Variants in CFAP95 observed in about 807,000 individuals in gnomAD.
CFAP95 encodes the protein cilia and flagella associated protein 95.
the CFAP95 span, chr9:69,844,720 C>A: frequency 1.2e-6 from 1 of 816,070 alleles, no homozygotes; most frequent in Non-Finnish European, 1.9e-6. Context: ...CAGCACCATC[C>A]CTCGTTAACT....
chr9:69,866,124 T>C, the CFAP95 span, among the ~76,000 whole-genome samples: 3 of 152,194 alleles, frequency 2.0e-5, no homozygotes, highest in Admixed American at 2.0e-4. Context: ...CATACTTAAG[T>C]TTCCTGAACA....
chr9:69,887,496 T>C, the CFAP95 span, among the ~76,000 whole-genome samples: 161 of 152,278 alleles, frequency 1.1e-3, no homozygotes, highest in African/African-American at 3.6e-3. Context: ...ATCTGAGAAG[T>C]AATTAGAATA....
chr9:69,830,607 C>A, the CFAP95 span, among the ~76,000 whole-genome samples: 70 of 152,256 alleles, frequency 4.6e-4, no homozygotes, highest in African/African-American at 1.7e-3. Flanking sequence ...TGAAACATAT[C>A]TTTGCAGTGC....
chr9:69,830,451 T>G, the CFAP95 span, among the ~76,000 whole-genome samples: 5 of 152,154 alleles, frequency 3.3e-5, no homozygotes, highest in African/African-American at 1.2e-4. Context: ...CATAACCTAT[T>G]AATATATTGG....
chr9:69,863,317 G>C, the CFAP95 span, among the ~76,000 whole-genome samples: 1 of 151,672 alleles, frequency 6.6e-6, no homozygotes, highest in East Asian at 2.0e-4. Context: ...CTCTAACATG[G>C]ATAACTTATG....
chr9:69,861,817 G>C, the CFAP95 span, among the ~76,000 whole-genome samples: 3 of 144,860 alleles, frequency 2.1e-5, no homozygotes, highest in Admixed American at 7.0e-5. Context: ...AGCAAGATTC[G>C]ATGTTCATCT....
At chr9:69,856,626 C>T in the CFAP95 span, 3 of 1,612,436 alleles carry the variant, frequency 1.9e-6, no homozygotes, top group South Asian at 3.3e-5. Flanking sequence ...AAATGAAGAG[C>T]AAGGCTTTAT....
At chr9:69,864,044 C>A in the CFAP95 span, among the ~76,000 whole-genome samples, 1 of 152,018 alleles carries the variant, frequency 6.6e-6, no homozygotes, top group Non-Finnish European at 1.5e-5. Flanking sequence ...TGAGGGCTCC[C>A]CAGGAGTACT....
At chr9:69,873,100 G>A in the CFAP95 span, among the ~76,000 whole-genome samples, 3 of 152,102 alleles carry the variant, frequency 2.0e-5, no homozygotes, top group African/African-American at 7.2e-5. Flanking sequence ...AACAAGGGTC[G>A]TTTTGGAGGA....
chr9:69,890,452 A>G, the CFAP95 span, among the ~76,000 whole-genome samples: 2 of 152,222 alleles, frequency 1.3e-5, no homozygotes, highest in Admixed American at 6.5e-5. Context: ...CCCACATTTA[A>G]TGAATGCTTG....
chr9:69,857,456 A>G, the CFAP95 span, among the ~76,000 whole-genome samples: 3 of 152,238 alleles, frequency 2.0e-5, no homozygotes, highest in African/African-American at 7.2e-5. Flanking sequence ...TACAAAGTTC[A>G]TAAAAGTTGC....
At chr9:69,876,862 T>C in the CFAP95 span, among the ~76,000 whole-genome samples, 1 of 152,178 alleles carries the variant, frequency 6.6e-6, no homozygotes, top group Non-Finnish European at 1.5e-5. Flanking sequence ...CTCAAACTCC[T>C]GACCTCAAGT....
At chr9:69,904,091 G>A in the CFAP95 span, among the ~76,000 whole-genome samples, 3 of 152,072 alleles carry the variant, frequency 2.0e-5, no homozygotes, top group Admixed American at 6.6e-5. Context: ...CCCTTTTAAA[G>A]TGTACAATTC....
chr9:69,857,980 T>C, the CFAP95 span: 1 of 1,613,116 alleles, frequency 6.2e-7, no homozygotes, highest in Non-Finnish European at 8.5e-7. Flanking sequence ...AGCAAAATGT[T>C]AGTAGTCCCT....
At chr9:69,867,897 T>C in the CFAP95 span, among the ~76,000 whole-genome samples, 1 of 152,186 alleles carries the variant, frequency 6.6e-6, no homozygotes. Context: ...TAGCTCTAAC[T>C]AACATCACAT....
At chr9:69,880,857 C>T in the CFAP95 span, among the ~76,000 whole-genome samples, 11 of 152,072 alleles carry the variant, frequency 7.2e-5, no homozygotes, top group African/African-American at 1.9e-4. Context: ...CCATTTTAAC[C>T]GGCATGAGAT....
At chr9:69,827,819 T>C in the CFAP95 span, among the ~76,000 whole-genome samples, 52 of 152,298 alleles carry the variant, frequency 3.4e-4, no homozygotes, top group Non-Finnish European at 5.6e-4. Flanking sequence ...CTTAGGCTGG[T>C]CACCCTGCAG....
chr9:69,884,104 G>T, the CFAP95 span, among the ~76,000 whole-genome samples: 1 of 151,902 alleles, frequency 6.6e-6, no homozygotes, highest in East Asian at 1.9e-4. Flanking sequence ...ATTGTCATTT[G>T]TTTTAAGGAA....
the CFAP95 span, among the ~76,000 whole-genome samples, chr9:69,897,919 G>A: frequency 4.6e-5 from 7 of 152,084 alleles, no homozygotes; most frequent in African/African-American, 1.4e-4. Flanking sequence ...AGAAGGAAGA[G>A]AACAAGAAGA....
Sources: gnomAD v4.1 joint callset for allele counts (sites outside exome capture counted in the v4.1 genomes callset) on GRCh38, gnomAD v4.1.1 for gene constraint, MANE v1.5 for transcripts, NCBI Gene and HGNC (gene_info 2026-07-23, HGNC 2026-07-21) for gene names.